Variants in N4BP2L2 observed in about 807,000 individuals in gnomAD.
N4BP2L2 encodes NEDD4-binding protein 2-like 2.
Under a neutral mutation model 56.2 loss-of-function variants are expected in N4BP2L2, and 50 were observed. That is an observed-to-expected ratio of 0.89 (90% CI 0.71 to 1.13). The LOEUF (loss-of-function observed/expected upper bound fraction) is 1.13, where lower values mean the gene tolerates loss of function less well. Among genes scored for constraint, N4BP2L2 ranks in the 50% most tolerant of loss-of-function variants. The pLI is 0.00. For missense variants in N4BP2L2, 689 were observed against 693.8 expected, an observed-to-expected ratio of 0.99 and a Z score of 0.08; for synonymous variants, 203 against 223.6, an observed-to-expected ratio of 0.91 and a Z score of 0.82.
chr13:32,520,072 C>T (rs995617082), intron 5 of N4BP2L2, among the ~76,000 whole-genome samples: 2 of 151,980 alleles, frequency 1.3e-5, no homozygotes, highest in Non-Finnish European at 2.9e-5. Context: ...GACCACACAG[C>T]ATACAAATCA....
At chr13:32,496,368 C>T (rs1226823062) in intron 6 of N4BP2L2, among the ~76,000 whole-genome samples, 5 of 151,992 alleles carry the variant, frequency 3.3e-5, no homozygotes, top group African/African-American at 1.2e-4. Flanking sequence ...TTAAGACCAC[C>T]GCCTTACAAT....
At chr13:32,441,800 T>C (rs754252278) in intron 7 of N4BP2L2, among the ~76,000 whole-genome samples, 2 of 150,142 alleles carry the variant, frequency 1.3e-5, no homozygotes, top group Non-Finnish European at 3.0e-5. Flanking sequence ...TCCCAGCACT[T>C]TGGGAGGCCG....
intron 6 of N4BP2L2, among the ~76,000 whole-genome samples, chr13:32,476,899 G>A (rs917178924): frequency 2.6e-5 from 4 of 152,200 alleles, no homozygotes; most frequent in Admixed American, 2.6e-4. Flanking sequence ...TGGGGCTCGA[G>A]TGCAGCCCCG....
chr13:32,515,479 T>A (rs1481872571), exon 6 of N4BP2L2: 1 of 152,142 alleles, frequency 6.6e-6, no homozygotes, highest in African/African-American at 2.4e-5. Flanking sequence ...CTTTCCAGCC[T>A]CAGTAAGATT....
chr13:32,520,515 C>T (rs959168804), intron 5 of N4BP2L2, among the ~76,000 whole-genome samples: 1 of 151,716 alleles, frequency 6.6e-6, no homozygotes, highest in African/African-American at 2.4e-5. Flanking sequence ...AAAAATTAGC[C>T]GGGAGTGGTG....
Position 32,492,916 on chromosome 13 carries a change from G to GTTTTTTTTTT in N4BP2L2, c.365+24931_365+24940dup, listed in dbSNP as rs35025430. ...TGTGTGAATGTTTTGTAGCTTTTCTGTTTTTTTTTTTTTTTTTTTTGAGAC... is the reference window on the plus strand; with the variant it reads ...TGTGTGAATGTTTTGTAGCTTTTCTGTTTTTTTTTTTTTTTTTTTTTTTTTTTTTTGAGAC... On this transcript the variant is annotated intron_variant, in intron 6 of 9. Transcript: ENST00000357505. 9.3e-5 allele frequency among the ~76,000 whole-genome samples: 10 copies of GTTTTTTTTTT among 107,516 alleles called. 1 individual carries two copies. Among genetic ancestry groups the GTTTTTTTTTT allele is most frequent in the African/African-American group, 2.2e-4 (6 of 27,120 alleles). The allele number at this position is 107,516 out of a possible 152,430, so 70.5% of individuals were successfully genotyped here. A position where few individuals can be genotyped will look rare whatever the true frequency, so the allele number is the denominator to read the frequency against.
chr13:32,436,931 A>G (rs2075595539), intron 8 of N4BP2L2, among the ~76,000 whole-genome samples: 1 of 151,278 alleles, frequency 6.6e-6, no homozygotes, highest in Non-Finnish European at 1.5e-5. Flanking sequence ...CCCAGGATGG[A>G]GTGCAGTGGC....
chr13:32,492,272 A>ATTTTTTTTTTT (rs1185615708), intron 6 of N4BP2L2, among the ~76,000 whole-genome samples: 18 of 77,092 alleles, frequency 2.3e-4, no homozygotes, highest in African/African-American at 9.7e-4. Context: ...AAAACACCAA[A>ATTTTTTTTTTT]ATTTTTTTTT....
chr13:32,440,978 C>T (rs964264617), intron 7 of N4BP2L2, among the ~76,000 whole-genome samples: 1 of 151,336 alleles, frequency 6.6e-6, no homozygotes, highest in Non-Finnish European at 1.5e-5. Flanking sequence ...CCTCAGCCTC[C>T]TAAGTAGCTA....
At chr13:32,499,365 T>C (rs975541568) in intron 6 of N4BP2L2, among the ~76,000 whole-genome samples, 3 of 152,214 alleles carry the variant, frequency 2.0e-5, no homozygotes, top group African/African-American at 7.2e-5. Flanking sequence ...CTTCCATCTG[T>C]TACTTCCTTA....
At chr13:32,473,915 AAGATAGTC>A (rs1468270054) in intron 6 of N4BP2L2, among the ~76,000 whole-genome samples, 1 of 152,212 alleles carries the variant, frequency 6.6e-6, no homozygotes, top group Non-Finnish European at 1.5e-5. Context: ...CATGTAAGAT[AAGATAGTC>A]AGAGGTTCAG....
In N4BP2L2 at chr13:32,522,256, C is replaced by G. The variant is rs1276946311; in HGVS notation, c.1399G>C (p.Asp467His). Reference sequence around the variant, plus strand: ...ATTATAACTGGAGATCTTCCCTGATCGATAGCTTGTTTTGCTGAAATAAAA... The same window carrying G: ...ATTATAACTGGAGATCTTCCCTGATGGATAGCTTGTTTTGCTGAAATAAAA... Residue 467 changes from aspartate (D) to histidine (H), a missense_variant, in exon 4 of 6, where the codon GAT becomes CAT. Transcript: ENST00000267068. 3 of 1,532,466 alleles carry G rather than the reference C, an allele frequency of 2.0e-6. No individual in the cohort carries two copies. Among genetic ancestry groups the G allele is most frequent in the South Asian group, 1.3e-5 (1 of 74,636 alleles). The allele number at this position is 1,532,466 out of a possible 1,614,324, so 94.9% of individuals were successfully genotyped here. A position where few individuals can be genotyped will look rare whatever the true frequency, so the allele number is the denominator to read the frequency against.
intron 6 of N4BP2L2, among the ~76,000 whole-genome samples, chr13:32,489,676 T>C (rs190920716): frequency 1.2e-4 from 18 of 152,112 alleles, no homozygotes; most frequent in African/African-American, 4.1e-4. Context: ...GGTTCAATAT[T>C]CTAACATTAA....
At chr13:32,484,318 C>A (rs1291604883) in intron 6 of N4BP2L2, among the ~76,000 whole-genome samples, 1 of 151,956 alleles carries the variant, frequency 6.6e-6, no homozygotes, top group African/African-American at 2.4e-5. Context: ...CAGAGAAAGA[C>A]CCTGACTCAA....
At chr13:32,458,470 T>C (rs887739507) in intron 6 of N4BP2L2, among the ~76,000 whole-genome samples, 1 of 152,152 alleles carries the variant, frequency 6.6e-6, no homozygotes, top group Admixed American at 6.5e-5. Flanking sequence ...AGACATTCCA[T>C]GCAAATGGAA....
intron 5 of N4BP2L2, among the ~76,000 whole-genome samples, chr13:32,521,106 T>C (rs1420233291): frequency 6.6e-6 from 1 of 152,180 alleles, no homozygotes; most frequent in Non-Finnish European, 1.5e-5. Flanking sequence ...GGTATAATAC[T>C]ACGGTCCTGT....
chr13:32,474,975 G>T (rs1016573768), intron 6 of N4BP2L2, among the ~76,000 whole-genome samples: 23 of 152,228 alleles, frequency 1.5e-4, no homozygotes, highest in Middle Eastern at 3.4e-3. Flanking sequence ...TAACTATATA[G>T]ATGAGGTTAT....
At chr13:32,536,728 C>T (rs1410234925) in exon 2 of N4BP2L2, 1 of 1,614,112 alleles carries the variant, frequency 6.2e-7, no homozygotes, top group South Asian at 1.1e-5. Flanking sequence ...CCTGTAAAAC[C>T]TGTGAATCAA....
At chr13:32,497,328 A>C (rs1256181926) in intron 6 of N4BP2L2, among the ~76,000 whole-genome samples, 3 of 152,228 alleles carry the variant, frequency 2.0e-5, no homozygotes, top group Non-Finnish European at 4.4e-5. Flanking sequence ...AGAAGGGATA[A>C]ACCAGTCTAC....
Sources: allele counts gnomAD v4.1 joint callset (sites outside exome capture counted in the v4.1 genomes callset), GRCh38; gene constraint gnomAD v4.1.1; transcripts MANE v1.5; gene names NCBI Gene and HGNC (gene_info 2026-07-23, HGNC 2026-07-21).